SLCO6A1: variants seen among roughly 807,000 people sequenced by gnomAD.
SLCO6A1 encodes cancer/testis antigen 48.
A neutral mutation model predicts 72.7 loss-of-function variants in SLCO6A1; 65 were observed. The ratio of observed to expected loss-of-function variants is 0.89; its 90% CI spans 0.73 to 1.10. The LOEUF (loss-of-function observed/expected upper bound fraction) is 1.10, where lower values mean the gene tolerates loss of function less well. Ranked by LOEUF, SLCO6A1 falls within the 50% of genes least tolerant of loss-of-function variation. SLCO6A1 has a pLI of 0.00. For synonymous variants in SLCO6A1, 314 were observed against 298.2 expected, an observed-to-expected ratio of 1.05 and a Z score of -0.55; for missense variants, 874 against 872.6, an observed-to-expected ratio of 1.00 and a Z score of -0.02.
chr5:102,387,646 C>G (rs1002797698), intron 12 of SLCO6A1, among the ~76,000 whole-genome samples: 1 of 152,092 alleles, frequency 6.6e-6, no homozygotes, highest in African/African-American at 2.4e-5. Flanking sequence ...TTGCTCTATA[C>G]TTTTATCAAA....
At chr5:102,410,236 T>C (rs1260589056) in intron 9 of SLCO6A1, among the ~76,000 whole-genome samples, 2 of 151,938 alleles carry the variant, frequency 1.3e-5, no homozygotes, top group African/African-American at 2.4e-5. Context: ...CTCGAGAGGG[T>C]TGCTCCTCTC....
chr5:102,468,613 A>G (rs7737248), intron 4 of SLCO6A1, among the ~76,000 whole-genome samples: 97,075 of 151,908 alleles, frequency 0.64, 31,218 homozygotes, highest in African/African-American at 0.66. Flanking sequence ...AACTGTTGTT[A>G]CTTTAAAGTC....
intron 1 of SLCO6A1, among the ~76,000 whole-genome samples, chr5:102,491,763 C>T (rs1238825857): frequency 1.3e-5 from 2 of 152,238 alleles, no homozygotes; most frequent in Non-Finnish European, 2.9e-5. Flanking sequence ...GGAGCCGGCT[C>T]CGGCCTTGGC....
intron 13 of SLCO6A1, among the ~76,000 whole-genome samples, chr5:102,372,495 C>T (rs1462268236): frequency 1.3e-5 from 2 of 151,752 alleles, no homozygotes; most frequent in Non-Finnish European, 1.5e-5. Flanking sequence ...AAAATTATAA[C>T]AAAATCTCTA....
At chr5:102,376,192 C>A (rs1745784055) in intron 12 of SLCO6A1, among the ~76,000 whole-genome samples, 1 of 152,066 alleles carries the variant, frequency 6.6e-6, no homozygotes, top group Non-Finnish European at 1.5e-5. Flanking sequence ...GCAAAAATAT[C>A]TTTCAAAAAT....
intron 6 of SLCO6A1, among the ~76,000 whole-genome samples, chr5:102,447,222 A>G (rs182954617): frequency 7.3e-4 from 111 of 152,240 alleles, no homozygotes; most frequent in Middle Eastern, 6.8e-3. Flanking sequence ...AGCCTACTCA[A>G]TTGTGGTGGT....
chr5:102,472,602 G>A (rs531116129), intron 4 of SLCO6A1, among the ~76,000 whole-genome samples: 156 of 152,126 alleles, frequency 1.0e-3, no homozygotes, highest in African/African-American at 3.6e-3. Context: ...TTATGTAACT[G>A]TAGAAAGGAA....
chr5:102,473,562 T>A (rs1324000019), intron 4 of SLCO6A1, among the ~76,000 whole-genome samples: 1 of 151,842 alleles, frequency 6.6e-6, no homozygotes, highest in African/African-American at 2.4e-5. Context: ...CAGGAACAAG[T>A]CCATAGTTTG....
chr5:102,414,335 C>T (rs1748153050), intron 8 of SLCO6A1, among the ~76,000 whole-genome samples: 1 of 152,010 alleles, frequency 6.6e-6, no homozygotes, highest in South Asian at 2.1e-4. Flanking sequence ...GACAAAATTG[C>T]CCACTTTTAG....
intron 4 of SLCO6A1, among the ~76,000 whole-genome samples, chr5:102,472,888 A>T (rs762240177): frequency 2.6e-5 from 4 of 152,084 alleles, no homozygotes; most frequent in Non-Finnish European, 4.4e-5. Flanking sequence ...GAAGACATGG[A>T]TACATTTCTA....
chr5:102,398,962 G>A (rs1319466557), intron 10 of SLCO6A1, among the ~76,000 whole-genome samples: 5 of 150,970 alleles, frequency 3.3e-5, no homozygotes, highest in Middle Eastern at 6.8e-3. Flanking sequence ...GGCTTTTCAC[G>A]CCTTAAAGTT....
intron 4 of SLCO6A1, among the ~76,000 whole-genome samples, chr5:102,463,515 A>C (rs2400802): frequency 0.64 from 96,928 of 152,128 alleles, 31,085 homozygotes; most frequent in African/African-American, 0.66. Context: ...ATGGAACCAG[A>C]CTAAATGCCC....
In SLCO6A1 at chr5:102,498,972, G is replaced by T; in HGVS notation, c.-128C>A. ...TCGGTGGCCACAAGGGGCTCTTGCC[G>T]CCCAAGCCTCCAGAGCGAACGTTTC... On this transcript the variant is annotated 5_prime_UTR_variant, in exon 1 of 14. Transcript: ENST00000506729. The T allele has an allele frequency of 1.2e-6, 1 of 868,158 alleles. No individual in the cohort carries two copies. The highest frequency in any genetic ancestry group is 1.8e-6 in the Non-Finnish European group (1 of 560,824). 53.8% of individuals were successfully genotyped at this position (868,158 alleles called of 1,614,324 possible).
intron 4 of SLCO6A1, among the ~76,000 whole-genome samples, chr5:102,460,514 A>G (rs1162776175): frequency 1.3e-5 from 2 of 152,140 alleles, no homozygotes; most frequent in African/African-American, 2.4e-5. Context: ...TTAATGCTGA[A>G]GCCAGGGATT....
intron 6 of SLCO6A1, among the ~76,000 whole-genome samples, chr5:102,440,267 G>T (rs1749760754): frequency 6.6e-6 from 1 of 152,196 alleles, no homozygotes; most frequent in Admixed American, 6.5e-5. Flanking sequence ...TCCATTGCCT[G>T]TTAGGAAACA....
At chr5:102,470,935 T>C (rs922195704) in intron 4 of SLCO6A1, among the ~76,000 whole-genome samples, 1 of 152,034 alleles carries the variant, frequency 6.6e-6, no homozygotes, top group Non-Finnish European at 1.5e-5. Context: ...GTTTTCTCGA[T>C]TGTTTTTTGT....
chr5:102,391,989 T>A (rs1223667613), intron 10 of SLCO6A1, among the ~76,000 whole-genome samples: 4 of 152,118 alleles, frequency 2.6e-5, no homozygotes, highest in Non-Finnish European at 5.9e-5. Context: ...TTGAACATTT[T>A]AAAAAGTTAA....
In SLCO6A1 at chr5:102,498,679, C is replaced by T; in HGVS notation, c.166G>A (p.Glu56Lys). ...AAACCGCCGAACCTTATCAAGGCCT[C>T]TGGAAGTAGTCTCAGATACCGGTGT... ...KKHRYLRLLP[E>K]ALIRFGGFRK... The change falls in exon 1 of 14, where the codon GAG becomes AAG. Residue 56 changes from glutamate (E) to lysine (K), a missense_variant. Transcript: ENST00000506729. 1 of 1,614,246 alleles carries T rather than the reference C, an allele frequency of 6.2e-7. No individual in the cohort carries two copies. Among genetic ancestry groups the T allele is most frequent in the Admixed American group, 1.7e-5 (1 of 60,032 alleles).
chr5:102,480,498 A>ACAAAG, intron 1 of SLCO6A1, 64 bp from the exon 2 acceptor site: 5 of 1,450,950 alleles, frequency 3.4e-6, no homozygotes, highest in Non-Finnish European at 4.7e-6. Context: ...TATGATTATT[A>ACAAAG]CAAAGCAAAA....
Sources: gnomAD v4.1 joint callset for allele counts (sites outside exome capture counted in the v4.1 genomes callset) on GRCh38, gnomAD v4.1.1 for gene constraint, MANE v1.5 for transcripts, NCBI Gene and HGNC (gene_info 2026-07-23, HGNC 2026-07-21) for gene names.